The following GREM2 variants were observed in gnomAD, a reference collection of about 807,000 sequenced individuals.
GREM2 encodes gremlin 2, DAN family BMP antagonist.
In GREM2, 11 loss-of-function variants were observed where a neutral mutation model predicts 14.2. The ratio of observed to expected loss-of-function variants is 0.78; its 90% confidence interval spans 0.49 to 1.28. GREM2 has a LOEUF of 1.28. Ranked by LOEUF, GREM2 falls within the 50% of genes most tolerant of loss-of-function variation. The pLI, the probability that GREM2 is intolerant of heterozygous loss-of-function variation, is 0.00. For synonymous variants in GREM2, 98 were observed against 97.6 expected (o/e 1.00, Z -0.02); for missense variants, 210 against 218.5 (o/e 0.96, Z 0.24).
chr1:240,601,736 G>A (rs368797800), intron 1 of GREM2, among the ~76,000 whole-genome samples: 9 of 151,972 alleles, frequency 5.9e-5, no homozygotes, highest in South Asian at 4.1e-4. Context: ...GCGAAACCCC[G>A]TCTCTGCTAA....
intron 1 of GREM2, among the ~76,000 whole-genome samples, chr1:240,580,646 C>T (rs1368965180): frequency 6.6e-6 from 1 of 152,190 alleles, no homozygotes; most frequent in Non-Finnish European, 1.5e-5. Flanking sequence ...ACAATCATAG[C>T]TCACTGTAAC....
At chr1:240,569,216 G>A (rs1019192496) in intron 1 of GREM2, among the ~76,000 whole-genome samples, 5 of 152,128 alleles carry the variant, frequency 3.3e-5, no homozygotes, top group South Asian at 2.1e-4. Flanking sequence ...TAAATCAATG[G>A]AGACAGACAT....
chr1:240,511,028 AT>A (rs961661170), intron 1 of GREM2, among the ~76,000 whole-genome samples: 1 of 152,256 alleles, frequency 6.6e-6, no homozygotes, highest in Non-Finnish European at 1.5e-5. Context: ...TAACACGTAT[AT>A]GTGTTCAAAG....
chr1:240,557,876 A>T (rs1678979713), intron 1 of GREM2, among the ~76,000 whole-genome samples: 1 of 152,186 alleles, frequency 6.6e-6, no homozygotes, highest in Non-Finnish European at 1.5e-5. Flanking sequence ...CAATATCACC[A>T]GCAGATTATG....
chr1:240,565,956 A>G (rs1002420945), intron 1 of GREM2, among the ~76,000 whole-genome samples: 3 of 152,134 alleles, frequency 2.0e-5, no homozygotes, highest in Non-Finnish European at 4.4e-5. Flanking sequence ...CTTAACTAAG[A>G]AAAGAGACCC....
intron 1 of GREM2, among the ~76,000 whole-genome samples, chr1:240,520,307 T>A (rs1678055642): frequency 6.6e-6 from 1 of 152,016 alleles, no homozygotes; most frequent in Non-Finnish European, 1.5e-5. Context: ...GGTCAACTAG[T>A]CCATTCTCTT....
At chr1:240,513,986 A>G (rs1003886383) in intron 1 of GREM2, among the ~76,000 whole-genome samples, 1 of 151,894 alleles carries the variant, frequency 6.6e-6, no homozygotes, top group African/African-American at 2.4e-5. Context: ...TGGCTCATGC[A>G]TGTAATCCCA....
chr1:240,543,138 C>A lies in GREM2; in HGVS notation c.-1-49662G>T, dbSNP rs1165881640. Reference sequence around the variant, plus strand: ...GATTATTTGACTATTATTTTACATCCCCCATCAGATTGTGGATCACCTAAG... The same window carrying A: ...GATTATTTGACTATTATTTTACATCACCCATCAGATTGTGGATCACCTAAG... On this transcript the variant is annotated intron_variant, in intron 1 of 1. Coordinates refer to ENST00000318160, the MANE Select transcript of GREM2 (RefSeq NM_022469.4). This position sits in a 1 kb window ranked among gnomAD's most constrained non-coding sequence, Gnocchi z 6.4. Among the ~76,000 whole-genome samples, 4 of 152,120 alleles carry A rather than the reference C, an allele frequency of 2.6e-5. No homozygotes were observed. The highest frequency in any genetic ancestry group is 9.7e-5 in the African/African-American group (4 of 41,430).
At chr1:240,584,526 A>G (rs1180585637) in intron 1 of GREM2, among the ~76,000 whole-genome samples, 2 of 151,430 alleles carry the variant, frequency 1.3e-5, no homozygotes, top group East Asian at 3.9e-4. Context: ...GAATGAAAAT[A>G]AAAATTAAAA....
chr1:240,568,640 T>C (rs999353873), intron 1 of GREM2, among the ~76,000 whole-genome samples: 2 of 152,106 alleles, frequency 1.3e-5, no homozygotes, highest in African/African-American at 4.8e-5. Context: ...CAGTATACCA[T>C]GCTAACACTA....
intron 1 of GREM2, among the ~76,000 whole-genome samples, chr1:240,593,144 C>T (rs1679743962): frequency 6.6e-6 from 1 of 151,704 alleles, no homozygotes; most frequent in South Asian, 2.1e-4. Context: ...AACTCCATCT[C>T]AAGAAAAGAA....
chr1:240,601,847 C>A (rs1032367654), intron 1 of GREM2, among the ~76,000 whole-genome samples: 9 of 148,068 alleles, frequency 6.1e-5, no homozygotes, highest in African/African-American at 2.3e-4. Flanking sequence ...GCGGAGGTTG[C>A]AGCGAGCCAA....
intron 1 of GREM2, among the ~76,000 whole-genome samples, chr1:240,562,990 GTA>G (rs1480045712): frequency 3.4e-5 from 5 of 146,788 alleles, no homozygotes; most frequent in Admixed American, 6.7e-5. Flanking sequence ...ATGTAAGTGT[GTA>G]TGTGTGTATA....
intron 1 of GREM2, among the ~76,000 whole-genome samples, chr1:240,590,451 T>C (rs1455833758): frequency 1.3e-5 from 2 of 148,932 alleles, no homozygotes; most frequent in Non-Finnish European, 3.0e-5. Flanking sequence ...TTTTTTGAGA[T>C]AGAGTTTCGT....
chr1:240,540,463 G>A lies in GREM2; in HGVS notation c.-1-46987C>T, dbSNP rs1261013012. 5.3e-5 allele frequency among the ~76,000 whole-genome samples: 8 copies of A among 152,088 alleles called. No homozygotes were observed. Among genetic ancestry groups the A allele is most frequent in the African/African-American group, 1.9e-4 (8 of 41,418 alleles). Reference sequence around the variant, plus strand: ...TGGGCTGTTTCCTAGAGCACATATTGATTTAAAACTGAACTGAGAGATTGT... The same window carrying A: ...TGGGCTGTTTCCTAGAGCACATATTAATTTAAAACTGAACTGAGAGATTGT... On this transcript the variant is annotated intron_variant, in intron 1 of 1. Coordinates refer to ENST00000318160, the MANE Select transcript of GREM2 (RefSeq NM_022469.4). The surrounding 1 kb of genome is among the most constrained non-coding windows in gnomAD (Gnocchi z 4.2).
chr1:240,510,501 C>G (rs901801664), intron 1 of GREM2, among the ~76,000 whole-genome samples: 4 of 148,664 alleles, frequency 2.7e-5, no homozygotes, highest in South Asian at 2.1e-4. Context: ...TTAATGAGTA[C>G]GGGGTTTCTT....
chr1:240,494,622 T>G (rs1042772620), intron 1 of GREM2, among the ~76,000 whole-genome samples: 1 of 152,160 alleles, frequency 6.6e-6, no homozygotes, highest in African/African-American at 2.4e-5. Context: ...AGAAACTAAT[T>G]CCCAGGTGTG....
intron 1 of GREM2, among the ~76,000 whole-genome samples, chr1:240,563,293 T>C (rs1244140690): frequency 6.6e-6 from 1 of 152,050 alleles, no homozygotes; most frequent in Non-Finnish European, 1.5e-5. Context: ...ACAAACGCGC[T>C]GCAGTGTTCT....
At chr1:240,568,484 C>G (rs1679204756) in intron 1 of GREM2, among the ~76,000 whole-genome samples, 1 of 151,948 alleles carries the variant, frequency 6.6e-6, no homozygotes, top group African/African-American at 2.4e-5. Context: ...CTAACTATAT[C>G]AATAATCACA....
Sources: gnomAD v4.1 joint callset for allele counts (sites outside exome capture counted in the v4.1 genomes callset) on GRCh38, gnomAD v4.1.1 for gene constraint, Gnocchi (gnomAD v3.1) non-coding constraint, MANE v1.5 for transcripts, NCBI Gene and HGNC (gene_info 2026-07-23, HGNC 2026-07-21) for gene names.